The following WASF3 variants were observed in gnomAD, a reference collection of about 807,000 sequenced individuals.
The protein encoded by WASF3 is WASP family member 3.
A neutral mutation model predicts 46.6 loss-of-function variants in WASF3; 11 were observed. That is an observed-to-expected ratio of 0.24 (90% CI 0.15 to 0.39). The LOEUF (loss-of-function observed/expected upper bound fraction) is 0.39, where lower values mean the gene tolerates loss of function less well. Among genes scored for constraint, WASF3 ranks in the 10% least tolerant of loss-of-function variants. The pLI, the probability that WASF3 is intolerant of heterozygous loss-of-function variation, is 1.00. For missense variants in WASF3, 576 were observed against 669.8 expected (o/e 0.86, Z 1.55); for synonymous variants, 242 against 259.7 (o/e 0.93, Z 0.65).
intron 9 of WASF3, among the ~76,000 whole-genome samples, chr13:26,684,962 C>T (rs534473424): frequency 3.5e-4 from 53 of 152,070 alleles, no homozygotes; most frequent in African/African-American, 1.1e-3. Flanking sequence ...GTGGCGTGCG[C>T]CGGTGGTTCC....
chr13:26,593,249 T>C lies in WASF3; in HGVS notation c.-108-19712T>C, dbSNP rs1348700659. The stretch of plus-strand genomic sequence containing the variant: ...AGCATTACTGAGGAATTCATTTTGG[T>C]CCAAACCGACTTGGCCGAAGCATGG... On this transcript the variant is annotated intron_variant, in intron 1 of 9. Transcript: ENST00000335327. Among the ~76,000 whole-genome samples the C allele has an allele frequency of 2.6e-5, 4 of 152,190 alleles. No homozygotes were observed. The East Asian group carries it at 7.7e-4, about 29-fold the overall frequency.
intron 1 of WASF3, among the ~76,000 whole-genome samples, chr13:26,606,250 C>T (rs1466200390): frequency 6.6e-6 from 1 of 152,120 alleles, no homozygotes; most frequent in African/African-American, 2.4e-5. Flanking sequence ...GATACACACA[C>T]ACTTTATTTC....
chr13:26,657,035 A>G (rs556942533), intron 3 of WASF3, among the ~76,000 whole-genome samples: 11 of 152,326 alleles, frequency 7.2e-5, no homozygotes, highest in African/African-American at 2.6e-4. Flanking sequence ...ACATAATACA[A>G]TCACTGCTGG....
rs897271465 is a variant in WASF3, at chr13:26,611,124, C to T, written c.-108-1837C>T. ...TGGGCTCGTGATCTGCCTGCTTTAG[C>T]CTCCCAGAGTGCTGAGATTACAGGT... On this transcript the variant is annotated intron_variant, in intron 1 of 9. Coordinates refer to ENST00000335327, the MANE Select transcript of WASF3 (RefSeq NM_006646.6). Among the ~76,000 whole-genome samples the T allele has an allele frequency of 4.1e-5, 6 of 146,176 alleles. No homozygotes were observed. The South Asian group carries it at 8.5e-4, about 21-fold the overall frequency.
chr13:26,669,206 CTTTTTTT>C (rs71080286), intron 5 of WASF3, among the ~76,000 whole-genome samples: 1 of 65,320 alleles, frequency 1.5e-5, no homozygotes, highest in Non-Finnish European at 2.8e-5. Flanking sequence ...ATATCTTTGA[CTTTTTTT>C]TTTTTTTTTT....
At chr13:26,683,922 A>G (rs1883322174) in intron 9 of WASF3, among the ~76,000 whole-genome samples, 1 of 152,188 alleles carries the variant, frequency 6.6e-6, no homozygotes. Context: ...GGTCCCTGAC[A>G]TGTTATGGGA....
intron 6 of WASF3, among the ~76,000 whole-genome samples, chr13:26,675,196 T>C (rs895442246): frequency 6.6e-6 from 1 of 152,156 alleles, no homozygotes; most frequent in Non-Finnish European, 1.5e-5. Flanking sequence ...CATGTCAGCC[T>C]TCCCTTCTTG....
Position 26,688,475 on chromosome 13 carries a change from T to G in WASF3, c.*2630T>G, listed in dbSNP as rs2137535879. ...GGGAAGGGATGGGAAGATTGCCCAG[T>G]CCCCGATGGCTGCGCACACAGGAGG... On this transcript the variant is annotated 3_prime_UTR_variant, in exon 10 of 10. Coordinates refer to ENST00000335327, the MANE Select transcript of WASF3 (RefSeq NM_006646.6). 1 of 152,360 alleles carries G rather than the reference T, an allele frequency of 6.6e-6. No individual in the cohort carries two copies. Among genetic ancestry groups the G allele is most frequent in the South Asian group, 2.1e-4 (1 of 4,828 alleles). 9.4% of individuals were successfully genotyped at this position (152,360 alleles called of 1,614,324 possible). A position where few individuals can be genotyped will look rare whatever the true frequency, so the allele number is the denominator to read the frequency against.
At chr13:26,606,705 C>T (rs919820333) in intron 1 of WASF3, 1 of 151,994 alleles carries the variant, frequency 6.6e-6, no homozygotes, top group African/African-American at 2.4e-5. Context: ...AAGAGTTTAT[C>T]TTCATGTTGA....
upstream of WASF3, among the ~76,000 whole-genome samples, chr13:26,557,509 T>TA (rs1555246164): frequency 6.6e-6 from 1 of 151,894 alleles, no homozygotes; most frequent in Non-Finnish European, 1.5e-5. Flanking sequence ...GCCTCCGCAA[T>TA]CCCCCGCCCC....
At chr13:26,645,113 A>G (rs1882111397) in intron 3 of WASF3, among the ~76,000 whole-genome samples, 1 of 152,258 alleles carries the variant, frequency 6.6e-6, no homozygotes, top group Non-Finnish European at 1.5e-5. Context: ...TCTCCCAACA[A>G]TTCCGCGTTG....
intron 1 of WASF3, among the ~76,000 whole-genome samples, chr13:26,601,047 T>C (rs1408370673): frequency 6.6e-6 from 1 of 152,232 alleles, no homozygotes; most frequent in East Asian, 1.9e-4. Flanking sequence ...ATAGTGTATT[T>C]TCAGCACTTT....
At chr13:26,569,568 CAG>C (rs1566037639) in intron 1 of WASF3, among the ~76,000 whole-genome samples, 1 of 151,962 alleles carries the variant, frequency 6.6e-6, no homozygotes, top group East Asian at 1.9e-4. Context: ...AAGTCATACT[CAG>C]AGGAAAGATT....
chr13:26,669,213 T>C (rs868294432), intron 5 of WASF3, among the ~76,000 whole-genome samples: 1,887 of 141,984 alleles, frequency 0.013, 50 homozygotes, highest in African/African-American at 0.046. Context: ...TGACTTTTTT[T>C]TTTTTTTTTT....
chr13:26,664,832 G>T (rs1355841300), intron 3 of WASF3, among the ~76,000 whole-genome samples, 196 bp from the exon 4 acceptor site: 1 of 152,214 alleles, frequency 6.6e-6, no homozygotes, highest in Non-Finnish European at 1.5e-5. Context: ...CTACAACATT[G>T]AGTCAGTTTC....
chr13:26,608,847 A>G (rs973782603), intron 1 of WASF3, among the ~76,000 whole-genome samples: 1 of 152,314 alleles, frequency 6.6e-6, no homozygotes, highest in South Asian at 2.1e-4. Context: ...GAGTGGTTAC[A>G]TTTCTATAGT....
chr13:26,582,250 C>T (rs1275117893), intron 1 of WASF3, among the ~76,000 whole-genome samples: 1 of 152,130 alleles, frequency 6.6e-6, no homozygotes, highest in African/African-American at 2.4e-5. Context: ...CCTCTAAGAC[C>T]TGATGGGACA....
Position 26,679,282 on chromosome 13 carries a change from A to T in WASF3, c.717-1772A>T, listed in dbSNP as rs919903652. Among the ~76,000 whole-genome samples, 2 of 151,872 alleles carry T rather than the reference A, an allele frequency of 1.3e-5. No homozygotes were observed. Among genetic ancestry groups the T allele is most frequent in the Non-Finnish European group, 2.9e-5 (2 of 67,942 alleles). ...TCCTCCTCCTCCTGCCTGCTGGCAC[A>T]TCCCTTTTCTGTGGTCCTTCCCTCT... On this transcript the variant is annotated intron_variant, in intron 7 of 9. Coordinates refer to ENST00000335327, the MANE Select transcript of WASF3 (RefSeq NM_006646.6). The surrounding 1 kb of genome is among the most constrained non-coding windows in gnomAD (Gnocchi z 4.8).
At chr13:26,597,765 T>G (rs1034038271) in intron 1 of WASF3, among the ~76,000 whole-genome samples, 1 of 152,202 alleles carries the variant, frequency 6.6e-6, no homozygotes, top group African/African-American at 2.4e-5. Context: ...AGTTTCCAGC[T>G]TCATCCATGT....
Sources: allele counts gnomAD v4.1 joint callset (sites outside exome capture counted in the v4.1 genomes callset), GRCh38; gene constraint gnomAD v4.1.1; non-coding constraint Gnocchi (gnomAD v3.1); transcripts MANE v1.5; gene names NCBI Gene and HGNC (gene_info 2026-07-23, HGNC 2026-07-21).